Variants in PRKCB observed in about 807,000 individuals in gnomAD.
The protein encoded by PRKCB is protein kinase C beta type.
PRKCB carries 13 observed loss-of-function variants against 81.5 expected under a neutral mutation model. The ratio of observed to expected loss-of-function variants is 0.16; its 90% CI spans 0.10 to 0.25. PRKCB has a LOEUF of 0.25. Ranked by LOEUF, PRKCB falls within the 10% of genes least tolerant of loss-of-function variation. The probability of loss-of-function intolerance (pLI) is 1.00; values close to 1 mark genes in which losing one functional copy is unlikely to be tolerated. For synonymous variants in PRKCB, 335 were observed against 321.4 expected (o/e 1.04, Z -0.45); for missense variants, 509 against 875.7 (o/e 0.58, Z 5.29).
chr16:23,896,413 G>A (rs1253829065), intron 2 of PRKCB, among the ~76,000 whole-genome samples: 5 of 152,120 alleles, frequency 3.3e-5, no homozygotes, highest in Non-Finnish European at 7.3e-5. Context: ...TGAGAGAAAC[G>A]TATTTGATGT....
At position 24,214,108 on chromosome 16, in the gene PRKCB, A is replaced by G. The variant is rs78094961; in HGVS notation, c.1864-550A>G. Among the ~76,000 whole-genome samples the G allele has an allele frequency of 5.4e-3, 819 of 152,272 alleles. 4 individuals carry two copies. Among genetic ancestry groups the G allele is most frequent in the Non-Finnish European group, 8.9e-3 (602 of 68,014 alleles). On this transcript the variant is annotated intron_variant, in intron 16 of 16. Transcript: ENST00000643927. ...CAGATCTTCACTGGGATCTTCCTCC[A>G]GTGGCTGGAGTTTATAAATTGTATT...
chr16:24,146,547 A>G (rs990664564), intron 9 of PRKCB, among the ~76,000 whole-genome samples: 27 of 152,308 alleles, frequency 1.8e-4, no homozygotes, highest in African/African-American at 6.5e-4. Flanking sequence ...TTCTAACTCT[A>G]AAAGTCCATG....
chr16:24,072,670 C>T (rs1966126138), intron 5 of PRKCB, among the ~76,000 whole-genome samples: 2 of 152,018 alleles, frequency 1.3e-5, no homozygotes. Flanking sequence ...CAACCTCTGC[C>T]TCCTGGGTTC....
chr16:24,032,089 C>A, intron 3 of PRKCB, 47 bp from the exon 4 acceptor site: 2 of 1,357,836 alleles, frequency 1.5e-6, no homozygotes, highest in Non-Finnish European at 2.1e-6. Flanking sequence ...GAACCGTTGG[C>A]ATGCTCCACT....
intron 4 of PRKCB, among the ~76,000 whole-genome samples, chr16:24,032,694 G>A (rs1965565115): frequency 6.6e-6 from 1 of 152,172 alleles, no homozygotes; most frequent in South Asian, 2.1e-4. Context: ...TGCATGCACG[G>A]AGGTCACAGG....
intron 16 of PRKCB, among the ~76,000 whole-genome samples, chr16:24,207,353 A>G (rs544411303): frequency 6.6e-6 from 1 of 152,350 alleles, no homozygotes; most frequent in African/African-American, 2.4e-5. Flanking sequence ...AAATAATAAT[A>G]ACAATACCTG....
intron 5 of PRKCB, among the ~76,000 whole-genome samples, chr16:24,065,458 G>T (rs1025240681): frequency 6.6e-6 from 1 of 151,944 alleles, no homozygotes; most frequent in Non-Finnish European, 1.5e-5. Flanking sequence ...CGTTCCAAAT[G>T]ATCCTAGGTT....
At chr16:24,188,323 C>T (rs530222642) in intron 15 of PRKCB, among the ~76,000 whole-genome samples, 4 of 152,236 alleles carry the variant, frequency 2.6e-5, no homozygotes, top group Admixed American at 2.6e-4. Flanking sequence ...TCTGGAACAG[C>T]GAGCCCCAGG....
intron 9 of PRKCB, among the ~76,000 whole-genome samples, chr16:24,132,404 G>T (rs1329694084): frequency 6.6e-6 from 1 of 152,210 alleles, no homozygotes; most frequent in Non-Finnish European, 1.5e-5. Flanking sequence ...ATTCATTCAA[G>T]AAGTATTTAT....
intron 12 of PRKCB, among the ~76,000 whole-genome samples, chr16:24,175,177 G>A (rs932578236): frequency 2.6e-5 from 4 of 152,152 alleles, no homozygotes; most frequent in African/African-American, 7.2e-5. Flanking sequence ...AGTCCAGGGC[G>A]TACAATTCTC....
intron 2 of PRKCB, among the ~76,000 whole-genome samples, chr16:23,941,606 G>A (rs1302531142): frequency 6.6e-6 from 1 of 152,062 alleles, no homozygotes. Flanking sequence ...TTTATTATTA[G>A]GAAGTCTATT....
intron 5 of PRKCB, among the ~76,000 whole-genome samples, chr16:24,067,113 A>C (rs1405331267): frequency 6.6e-6 from 1 of 152,060 alleles, no homozygotes; most frequent in Non-Finnish European, 1.5e-5. Flanking sequence ...CAGCCTCCTA[A>C]AGTGTTGGGA....
intron 2 of PRKCB, among the ~76,000 whole-genome samples, chr16:23,903,739 T>A (rs1209161045): frequency 6.6e-6 from 1 of 152,162 alleles, no homozygotes; most frequent in African/African-American, 2.4e-5. Context: ...CCTGGAATAC[T>A]TTTTCTTCTC....
intron 12 of PRKCB, among the ~76,000 whole-genome samples, chr16:24,176,894 CAAAAA>C (rs34201635): frequency 2.8e-4 from 27 of 96,476 alleles, no homozygotes; most frequent in Middle Eastern, 4.9e-3. Flanking sequence ...AACTCCATTT[CAAAAA>C]AAAAAAAAAA....
intron 3 of PRKCB, among the ~76,000 whole-genome samples, chr16:24,022,667 G>A (rs1326036703): frequency 6.6e-6 from 1 of 152,028 alleles, no homozygotes; most frequent in Non-Finnish European, 1.5e-5. Flanking sequence ...AATTCTTTTT[G>A]TATTTTTAGT....
intron 2 of PRKCB, among the ~76,000 whole-genome samples, chr16:23,887,538 T>A (rs1430563491): frequency 6.6e-6 from 1 of 152,216 alleles, no homozygotes; most frequent in Non-Finnish European, 1.5e-5. Flanking sequence ...TCATTTTTTT[T>A]ATGGCTGTGT....
intron 16 of PRKCB, among the ~76,000 whole-genome samples, chr16:24,193,598 AG>A (rs1348595169): frequency 2.0e-5 from 3 of 152,124 alleles, no homozygotes; most frequent in Non-Finnish European, 4.4e-5. Flanking sequence ...TACAGGTGTG[AG>A]CCACTGCACC....
In PRKCB at chr16:24,175,164, G is replaced by C. The variant is rs779085843; in HGVS notation, c.1394+584G>C. On this transcript the variant is annotated intron_variant, in intron 12 of 16. Transcript: ENST00000643927. Reference sequence around the variant, plus strand: ...TTGCACCCGAGGCTGCTATTTGTCAGCAAGTCCAGGGCGTACAATTCTCCT... The same window carrying C: ...TTGCACCCGAGGCTGCTATTTGTCACCAAGTCCAGGGCGTACAATTCTCCT... 2.6e-5 allele frequency among the ~76,000 whole-genome samples: 4 copies of C among 152,042 alleles called. No individual in the cohort carries two copies. In the East Asian group the frequency reaches 5.9e-4, roughly 22 times the overall value.
intron 3 of PRKCB, among the ~76,000 whole-genome samples, chr16:24,004,839 C>A (rs1965095975): frequency 6.6e-6 from 1 of 152,134 alleles, no homozygotes; most frequent in African/African-American, 2.4e-5. Flanking sequence ...CTAAGAATGA[C>A]AATTCTAGGA....
Sources: gnomAD v4.1 joint callset for allele counts (sites outside exome capture counted in the v4.1 genomes callset) on GRCh38, gnomAD v4.1.1 for gene constraint, MANE v1.5 for transcripts, NCBI Gene and HGNC (gene_info 2026-07-23, HGNC 2026-07-21) for gene names.